Variants in CYP3A7 observed in about 807,000 individuals in gnomAD.
CYP3A7 encodes cytochrome P450 family 3 subfamily A member 7.
In CYP3A7, 45 loss-of-function variants were observed where a neutral mutation model predicts 55.2. That is an observed-to-expected ratio of 0.82 (90% CI 0.64 to 1.05). CYP3A7 has a LOEUF of 1.05. CYP3A7 is among the 50% of genes least tolerant of loss of function. CYP3A7 has a pLI of 0.00. For missense variants in CYP3A7, 548 were observed against 605.3 expected, an observed-to-expected ratio of 0.91 and a Z score of 0.99; for synonymous variants, 180 against 207.4, an observed-to-expected ratio of 0.87 and a Z score of 1.13.
chr7:99,706,824 C>G (rs1246756358), intron 12 of CYP3A7, among the ~76,000 whole-genome samples: 6 of 152,296 alleles, frequency 3.9e-5, no homozygotes, highest in African/African-American at 1.4e-4. Context: ...AAACATTTAC[C>G]AAATGACCAA....
intron 2 of CYP3A7, among the ~76,000 whole-genome samples, chr7:99,723,179 G>A (rs1814271004): frequency 1.3e-5 from 2 of 152,120 alleles, no homozygotes; most frequent in Non-Finnish European, 2.9e-5. Context: ...GCCTGCATGG[G>A]TACATCCAGA....
At position 99,709,231 on chromosome 7, in the gene CYP3A7, A is replaced by G. The variant is rs141574193; in HGVS notation, c.1057T>C (p.Leu353=). 24 of 1,613,796 alleles carry G rather than the reference A, an allele frequency of 1.5e-5. No homozygotes were observed. The highest frequency in any genetic ancestry group is 5.5e-5 in the South Asian group (5 of 91,086). The stretch of plus-strand genomic sequence containing the variant: ...TTCACCACCATGTCAAGATACTCCA[A>G]CTGTAGCACAGTATCATAGGTGGGT... ...APPTYDTVLQ[L]EYLDMVVNET... Residue 353 remains leucine, a synonymous_variant, in exon 11 of 13, where the codon TTG becomes CTG. Coordinates refer to ENST00000336374, the MANE Select transcript of CYP3A7 (RefSeq NM_000765.5).
At chr7:99,723,435 C>A (rs555381214) in intron 2 of CYP3A7, among the ~76,000 whole-genome samples, 1 of 152,298 alleles carries the variant, frequency 6.6e-6, no homozygotes, top group Non-Finnish European at 1.5e-5. Context: ...CTGCTTACCC[C>A]AGTCCTATAA....
intron 12 of CYP3A7, among the ~76,000 whole-genome samples, chr7:99,706,111 G>A (rs1474602941): frequency 1.3e-5 from 2 of 152,114 alleles, no homozygotes; most frequent in African/African-American, 4.8e-5. Flanking sequence ...ACACCTTCAG[G>A]AAGCATTATC....
intron 1 of CYP3A7, among the ~76,000 whole-genome samples, chr7:99,731,682 T>C (rs1814629661): frequency 6.6e-6 from 1 of 152,218 alleles, no homozygotes; most frequent in East Asian, 1.9e-4. Flanking sequence ...TTCCCTTCAC[T>C]CTAAGCTCTG....
At chr7:99,707,014 C>T (rs1400197563) in intron 12 of CYP3A7, among the ~76,000 whole-genome samples, 5 of 152,138 alleles carry the variant, frequency 3.3e-5, no homozygotes, top group Non-Finnish European at 7.4e-5. Flanking sequence ...CCTCCAGTAA[C>T]TAATAACAGA....
Position 99,705,472 on chromosome 7 carries a change from A to C in CYP3A7, c.*28T>G. On this transcript the variant is annotated 3_prime_UTR_variant, in exon 13 of 13. Coordinates refer to ENST00000336374, the MANE Select transcript of CYP3A7 (RefSeq NM_000765.5). The stretch of plus-strand genomic sequence containing the variant: ...GGTGTTCTGGGGCACAGCTTTCTTA[A>C]AGAGCAAACCAGAAGTCCTTAGGGA... The C allele has an allele frequency of 6.2e-7, 1 of 1,611,522 alleles. No homozygotes were observed. Among genetic ancestry groups the C allele is most frequent in the Non-Finnish European group, 8.5e-7 (1 of 1,178,078 alleles).
chr7:99,717,580 C>T lies in CYP3A7; in HGVS notation c.378G>A (p.Trp126Ter). Residue 126 changes from tryptophan (W) to a stop codon, truncating the protein, a stop_gained, in exon 5 of 13, where the codon TGG becomes TGA. Coordinates refer to ENST00000336374, the MANE Select transcript of CYP3A7 (RefSeq NM_000765.5). LOFTEE classifies it high-confidence loss of function. ...GAGACAGCAATGATCGTATTCTCTT[C>T]CATTCTTCATCCTCAGCTATAGAGA... is the stretch of plus-strand genomic sequence containing the variant. ...NAISIAEDEEWKRIRSLLSPT... is the reference protein window; with the variant it reads ...NAISIAEDEE 6.2e-7 allele frequency: 1 copy of T among 1,613,738 alleles called. No homozygotes were observed. The highest frequency in any genetic ancestry group is 8.5e-7 in the Non-Finnish European group (1 of 1,179,798).
Position 99,714,699 on chromosome 7 carries a change from C to A in CYP3A7, c.671-17G>T, listed in dbSNP as rs776396065. 31 of 1,603,862 alleles carry A rather than the reference C, an allele frequency of 1.9e-5. No homozygotes were observed. The highest frequency in any genetic ancestry group is 9.4e-5 in the African/African-American group (7 of 74,372). On this transcript the variant is annotated splice_polypyrimidine_tract_variant and intron_variant, in intron 7 of 12. Transcript: ENST00000336374. Reference sequence around the variant, plus strand: ...GAAAGACTTCTGTAGAAAAAAAAAACCAACAGAAAACGAAACCATTGTGAA... The same window carrying A: ...GAAAGACTTCTGTAGAAAAAAAAAAACAACAGAAAACGAAACCATTGTGAA...
intron 3 of CYP3A7, 114 bp from the exon 4 acceptor site, chr7:99,720,526 T>C: frequency 1.7e-6 from 2 of 1,142,986 alleles, no homozygotes. Context: ...AGATGTACAA[T>C]ACACAGTAAT....
At chr7:99,733,091 C>A (rs1037163426) in intron 1 of CYP3A7, among the ~76,000 whole-genome samples, 1 of 152,218 alleles carries the variant, frequency 6.6e-6, no homozygotes, top group Admixed American at 6.5e-5. Flanking sequence ...GCATTTGGAT[C>A]CTTGCCCCAG....
chr7:99,732,460 A>G (rs1404008435), intron 1 of CYP3A7, among the ~76,000 whole-genome samples: 3 of 152,082 alleles, frequency 2.0e-5, no homozygotes, highest in Non-Finnish European at 4.4e-5. Context: ...AAGGTGATCA[A>G]TTACAAAGCA....
chr7:99,722,453 G>T, intron 2 of CYP3A7, 105 bp from the exon 3 acceptor site: 1 of 1,379,184 alleles, frequency 7.3e-7, no homozygotes, highest in Non-Finnish European at 1.0e-6. Context: ...TAGACTTGCT[G>T]GCAGTTAGAG....
intron 1 of CYP3A7, 140 bp from the exon 2 acceptor site, chr7:99,731,292 G>A (rs1391504826): frequency 3.5e-5 from 33 of 941,362 alleles, no homozygotes; most frequent in East Asian, 7.9e-5. Context: ...TAACTCTGAC[G>A]GCAATGATTA....
chr7:99,719,906 A>G (rs1424429744), intron 4 of CYP3A7, among the ~76,000 whole-genome samples: 1 of 152,212 alleles, frequency 6.6e-6, no homozygotes, highest in Non-Finnish European at 1.5e-5. Flanking sequence ...TGGAGGCAGA[A>G]GAATCACTTG....
At chr7:99,716,714 GTTTAATA>G (rs1813962510) in intron 6 of CYP3A7, among the ~76,000 whole-genome samples, 1 of 152,040 alleles carries the variant, frequency 6.6e-6, no homozygotes, top group Non-Finnish European at 1.5e-5. Context: ...TGGTGGGAAT[GTTTAATA>G]TTTAGTATTC....
In CYP3A7 at chr7:99,732,139, C is replaced by G. The variant is rs961225359; in HGVS notation, c.72-987G>C. On this transcript the variant is annotated intron_variant, in intron 1 of 12. Coordinates refer to ENST00000336374, the MANE Select transcript of CYP3A7 (RefSeq NM_000765.5). ...AGTTTCTCATGGTTTCACACCATCC[C>G]CCTTGGGTGCTGTCCTCTTGACAAT... Among the ~76,000 whole-genome samples, 8 of 152,272 alleles carry G rather than the reference C, an allele frequency of 5.3e-5. No individual in the cohort carries two copies. The East Asian group carries it at 9.6e-4, about 18-fold the overall frequency.
intron 2 of CYP3A7, among the ~76,000 whole-genome samples, chr7:99,729,622 G>A (rs540330489): frequency 6.6e-5 from 10 of 152,266 alleles, no homozygotes; most frequent in South Asian, 2.1e-4. Flanking sequence ...GCAATCTTAC[G>A]ACATTCCATT....
intron 12 of CYP3A7, among the ~76,000 whole-genome samples, chr7:99,707,367 T>G (rs1440984118): frequency 6.6e-6 from 1 of 152,222 alleles, no homozygotes; most frequent in South Asian, 2.1e-4. Context: ...CCAGGCATCA[T>G]GAATTTTTAA....
Sources: allele counts gnomAD v4.1 joint callset (sites outside exome capture counted in the v4.1 genomes callset), GRCh38; gene constraint gnomAD v4.1.1; transcripts MANE v1.5; gene names NCBI Gene and HGNC (gene_info 2026-07-23, HGNC 2026-07-21).